The following TTC7B variants were observed in gnomAD, a reference collection of about 807,000 sequenced individuals.
TTC7B encodes tetratricopeptide repeat protein 7B.
A neutral mutation model predicts 106.8 loss-of-function variants in TTC7B; 28 were observed. The ratio of observed to expected loss-of-function variants is 0.26; its 90% CI spans 0.19 to 0.36. The LOEUF (loss-of-function observed/expected upper bound fraction) is 0.36. Among genes scored for constraint, TTC7B ranks in the 10% least tolerant of loss-of-function variants. The pLI is 1.00. For synonymous variants in TTC7B, 405 were observed against 430.6 expected (o/e 0.94, Z 0.74); for missense variants, 862 against 1,076.4 (o/e 0.80, Z 2.79).
Position 90,534,084 on chromosome 14 carries a change from C to G in TTC7B, c.*7284G>C, listed in dbSNP as rs1484069588. The G allele has an allele frequency of 6.6e-6, 1 of 152,372 alleles. No homozygotes were observed. The highest frequency in any genetic ancestry group is 2.4e-5 in the African/African-American group (1 of 41,468). 9.4% of individuals were successfully genotyped at this position (152,372 alleles called of 1,614,324 possible). A position where few individuals can be genotyped will look rare whatever the true frequency, so the allele number is the denominator to read the frequency against. On this transcript the variant is annotated 3_prime_UTR_variant, in exon 20 of 20. Coordinates refer to ENST00000328459, the MANE Select transcript of TTC7B (RefSeq NM_001010854.2). ...GGAGGGACAGTGGCACAGTGAGGAT[C>G]ACCCCCAGCAGGTGCAGAGCTGGAG...
At chr14:90,542,447 G>A (rs1013913899) in intron 19 of TTC7B, among the ~76,000 whole-genome samples, 2 of 152,010 alleles carry the variant, frequency 1.3e-5, no homozygotes, top group African/African-American at 4.8e-5. Context: ...TCATCATTGC[G>A]TTTCCAAGCT....
Position 90,537,562 on chromosome 14 carries a change from G to C in TTC7B, c.*3806C>G, listed in dbSNP as rs1267257296. 1 of 152,258 alleles carries C rather than the reference G, an allele frequency of 6.6e-6. No homozygotes were observed. The highest frequency in any genetic ancestry group is 2.4e-5 in the African/African-American group (1 of 41,424). The allele number at this position is 152,258 out of a possible 1,614,324, so 9.4% of individuals were successfully genotyped here. The stretch of plus-strand genomic sequence containing the variant: ...TAGCATGGTCCACGAGGCCGCACCT[G>C]TGTGGCCCCTGTTAAACTTCTGACC... On this transcript the variant is annotated 3_prime_UTR_variant, in exon 20 of 20. Transcript: ENST00000328459.
rs1295119587 is a variant in TTC7B, at chr14:90,530,527, G to A, written c.*10841C>T. On this transcript the variant is annotated 3_prime_UTR_variant, in exon 20 of 20. Transcript: ENST00000328459. The stretch of plus-strand genomic sequence containing the variant: ...TTGATGAGGGATCTTCAGATGGGGA[G>A]AGTGTCTTGGATTATCCAGGTAAGA... The A allele has an allele frequency of 1.3e-5, 2 of 152,212 alleles. No individual in the cohort carries two copies. Among genetic ancestry groups the A allele is most frequent in the Non-Finnish European group, 2.9e-5 (2 of 68,038 alleles). 9.4% of individuals were successfully genotyped at this position (152,212 alleles called of 1,614,324 possible).
chr14:90,595,879 C>T (rs564342434), intron 17 of TTC7B, among the ~76,000 whole-genome samples: 50 of 152,262 alleles, frequency 3.3e-4, no homozygotes, highest in South Asian at 4.1e-4. Context: ...CAAATGTTAA[C>T]GAATATTTGG....
intron 15 of TTC7B, among the ~76,000 whole-genome samples, chr14:90,633,487 C>A (rs1884791059): frequency 6.6e-6 from 1 of 152,162 alleles, no homozygotes; most frequent in South Asian, 2.1e-4. Flanking sequence ...TAAATCCCAC[C>A]ATAAAAGTAT....
At chr14:90,629,382 G>A (rs1459237242) in intron 15 of TTC7B, among the ~76,000 whole-genome samples, 4 of 151,600 alleles carry the variant, frequency 2.6e-5, no homozygotes, top group South Asian at 2.1e-4. Context: ...ACCTTATACC[G>A]CCCATTTGCA....
intron 1 of TTC7B, among the ~76,000 whole-genome samples, chr14:90,812,629 C>A (rs2030959564): frequency 6.6e-6 from 1 of 151,974 alleles, no homozygotes; most frequent in Non-Finnish European, 1.5e-5. Flanking sequence ...CTGTCTCCCA[C>A]CCCCACCCTT....
At chr14:90,778,378 C>G (rs1891102390) in intron 3 of TTC7B, among the ~76,000 whole-genome samples, 1 of 152,222 alleles carries the variant, frequency 6.6e-6, no homozygotes, top group South Asian at 2.1e-4. Flanking sequence ...AAAGACTGAG[C>G]TGGCAGTGAC....
At chr14:90,602,098 A>G (rs1892446901) in intron 17 of TTC7B, 1 of 455,884 alleles carries the variant, frequency 2.2e-6, no homozygotes, top group Admixed American at 2.4e-5. Flanking sequence ...CTTAAGGGTG[A>G]GGGGCAGTAT....
chr14:90,583,783 C>T (rs1891603427), intron 18 of TTC7B, among the ~76,000 whole-genome samples: 1 of 152,190 alleles, frequency 6.6e-6, no homozygotes. Flanking sequence ...CTCTTAGGAA[C>T]CCTTGGTTTG....
chr14:90,731,513 G>A (rs745546727), intron 4 of TTC7B, among the ~76,000 whole-genome samples: 12 of 152,180 alleles, frequency 7.9e-5, no homozygotes, highest in Admixed American at 3.9e-4. Context: ...CATGATAAAC[G>A]AGACATCGAG....
intron 18 of TTC7B, among the ~76,000 whole-genome samples, chr14:90,584,353 C>A (rs1274182072): frequency 6.6e-6 from 1 of 152,196 alleles, no homozygotes; most frequent in Non-Finnish European, 1.5e-5. Context: ...TTGTCAAGCC[C>A]CTGCTTCATG....
intron 17 of TTC7B, chr14:90,593,850 T>A: frequency 2.4e-6 from 1 of 409,474 alleles, no homozygotes; most frequent in Non-Finnish European, 4.3e-6. Flanking sequence ...ACATGCCCCC[T>A]CCAGGAGCTC....
chr14:90,619,889 G>C (rs77999155), intron 15 of TTC7B, among the ~76,000 whole-genome samples: 3,633 of 152,330 alleles, frequency 0.024, 45 homozygotes, highest in Middle Eastern at 0.048. Context: ...TATAAAGCAA[G>C]GCATTTTAGA....
At chr14:90,698,948 C>G in intron 5 of TTC7B, 1 of 335,064 alleles carries the variant, frequency 3.0e-6, no homozygotes, top group Non-Finnish European at 5.8e-6. Context: ...CCTTGACCTA[C>G]TTCCATCTTT....
In TTC7B at chr14:90,816,185, G is replaced by A. The variant is rs1370586145; in HGVS notation, c.111C>T (p.Leu37=). 2.4e-6 allele frequency: 3 copies of A among 1,256,194 alleles called. No individual in the cohort carries two copies. The highest frequency in any genetic ancestry group is 1.6e-5 in the African/African-American group (1 of 62,568). The allele number at this position is 1,256,194 out of a possible 1,614,324, so 77.8% of individuals were successfully genotyped here. ...GCGCCCGGAGCGTACCGTTGGCGAT[G>A]AGCTTGGCCGACAGCTGCTTGACGA... ...PELVKQLSAK[L]IANDDMAELL... is the part of the protein sequence containing the mutation. The change falls in exon 1 of 20, where the codon CTC becomes CTT. Residue 37 remains leucine (L), a synonymous_variant. Coordinates refer to ENST00000328459, the MANE Select transcript of TTC7B (RefSeq NM_001010854.2).
At chr14:90,752,553 C>T (rs1288087800) in intron 3 of TTC7B, among the ~76,000 whole-genome samples, 1 of 152,164 alleles carries the variant, frequency 6.6e-6, no homozygotes, top group Non-Finnish European at 1.5e-5. Flanking sequence ...GATTTGAGAT[C>T]CCTCAGCTAG....
rs552077060 is a variant in TTC7B, at chr14:90,802,774, G to A, written c.121+13401C>T. Among the ~76,000 whole-genome samples, 53 of 152,236 alleles carry A rather than the reference G, an allele frequency of 3.5e-4. No homozygotes were observed. Among genetic ancestry groups the A allele is most frequent in the African/African-American group, 1.3e-3 (52 of 41,550 alleles). On this transcript the variant is annotated intron_variant, in intron 1 of 19. Transcript: ENST00000328459. This position sits in a 1 kb window ranked among gnomAD's most constrained non-coding sequence, Gnocchi z 4.7. ...GCAGGTGCAGGCGTGGAGAGGCAGA[G>A]AGCCGGGTGTAACAGGGCAGGGACA...
At chr14:90,655,793 T>C (rs904356331) in intron 11 of TTC7B, among the ~76,000 whole-genome samples, 7 of 152,154 alleles carry the variant, frequency 4.6e-5, no homozygotes, top group Non-Finnish European at 1.0e-4. Context: ...CTCTTGAGTT[T>C]TGTGGTATTT....
Sources: allele counts gnomAD v4.1 joint callset (sites outside exome capture counted in the v4.1 genomes callset), GRCh38; gene constraint gnomAD v4.1.1; non-coding constraint Gnocchi (gnomAD v3.1); transcripts MANE v1.5; gene names NCBI Gene and HGNC (gene_info 2026-07-23, HGNC 2026-07-21).